The following GRPEL2 variants were observed in gnomAD, a reference collection of about 807,000 sequenced individuals.
The protein encoded by GRPEL2 is grpE protein homolog 2, mitochondrial.
GRPEL2 carries 18 observed loss-of-function variants against 25.9 expected under a neutral mutation model. The ratio of observed to expected loss-of-function variants is 0.70; its 90% CI spans 0.48 to 1.03. The LOEUF is 1.03. Ranked by LOEUF, GRPEL2 falls within the 50% of genes least tolerant of loss-of-function variation. GRPEL2 has a pLI of 0.00. For synonymous variants in GRPEL2, 106 were observed against 107.9 expected (o/e 0.98, Z 0.11); for missense variants, 247 against 276.2 (o/e 0.89, Z 0.75).
intron 3 of GRPEL2, 137 bp from the exon 4 acceptor site, chr5:149,350,781 C>CT (rs1329462458): frequency 1.3e-5 from 11 of 840,476 alleles, no homozygotes; most frequent in Non-Finnish European, 1.9e-5. Context: ...GTGATGATCT[C>CT]TGAGTCCTGT....
rs1757797488 is a variant in GRPEL2 at position 149,352,885 on chromosome 5, C to A, written c.*1603C>A. The A allele has an allele frequency of 6.6e-6, 1 of 152,118 alleles. No homozygotes were observed. The highest frequency in any genetic ancestry group is 1.5e-5 in the Non-Finnish European group (1 of 68,022). The allele number at this position is 152,118 out of a possible 1,614,324, so 9.4% of individuals were successfully genotyped here. On this transcript the variant is annotated 3_prime_UTR_variant, in exon 4 of 4. Coordinates refer to ENST00000329271, the MANE Select transcript of GRPEL2 (RefSeq NM_152407.4). ...CAATCATTTAAGATTAATGGGCATG[C>A]AATTAAGTCTCCATTTAAGATTAAT...
In GRPEL2 at chr5:149,351,046, T is replaced by C. The variant is rs1160342116; in HGVS notation, c.442T>C (p.Leu148=). 1.2e-6 allele frequency: 2 copies of C among 1,614,128 alleles called. No homozygotes were observed. The highest frequency in any genetic ancestry group is 2.2e-5 in the East Asian group (1 of 44,902). Residue 148 remains leucine (L), a synonymous_variant, in exon 4 of 4, where the codon TTG becomes CTG. Coordinates refer to ENST00000329271, the MANE Select transcript of GRPEL2 (RefSeq NM_152407.4). ...LTLEKVFRGL[L]LLEAKLKSVF... is the part of the protein sequence containing the mutation. ...TCTGGAGAAGGTCTTCCGAGGGTTG[T>C]TGCTTTTAGAAGCAAAGCTGAAAAG... is the stretch of plus-strand genomic sequence containing the variant.
At chr5:149,346,937 C>T (rs986064673) in intron 1 of GRPEL2, among the ~76,000 whole-genome samples, 1 of 151,810 alleles carries the variant, frequency 6.6e-6, no homozygotes, top group African/African-American at 2.4e-5. Flanking sequence ...CGGGGTTTCA[C>T]CGTGGTCTCG....
At position 149,353,944 on chromosome 5, in the gene GRPEL2, T is replaced by C. The variant is rs1581360655; in HGVS notation, c.*2662T>C. On this transcript the variant is annotated 3_prime_UTR_variant, in exon 4 of 4. Transcript: ENST00000329271. ...TTATTCGTAAAATGATTATAATAAT[T>C]CTTTCACAGCGTTGTGAGGATTAAG... 1 of 152,216 alleles carries C rather than the reference T, an allele frequency of 6.6e-6. No homozygotes were observed. Among genetic ancestry groups the C allele is most frequent in the African/African-American group, 2.4e-5 (1 of 41,472 alleles). 9.4% of individuals were successfully genotyped at this position (152,216 alleles called of 1,614,324 possible). A position where few individuals can be genotyped will look rare whatever the true frequency, so the allele number is the denominator to read the frequency against.
chr5:149,345,531 A>C lies in GRPEL2; in HGVS notation c.-9A>C. 6.2e-7 allele frequency: 1 copy of C among 1,609,884 alleles called. No homozygotes were observed. Among genetic ancestry groups the C allele is most frequent in the Non-Finnish European group, 8.5e-7 (1 of 1,178,352 alleles). On this transcript the variant is annotated 5_prime_UTR_variant, in exon 1 of 4. Transcript: ENST00000329271. ...GCGCGTGCGCTGCCTCTCAGCCCAA[A>C]TTGGAAACATGGCCGTACGGTCGCT...
At position 149,353,379 on chromosome 5, in the gene GRPEL2, T is replaced by C. The variant is rs1029280606; in HGVS notation, c.*2097T>C. The C allele has an allele frequency of 2.6e-5, 4 of 152,244 alleles. No homozygotes were observed. The highest frequency in any genetic ancestry group is 1.3e-4 in the Admixed American group (2 of 15,282). The allele number at this position is 152,244 out of a possible 1,614,324, so 9.4% of individuals were successfully genotyped here. ...TAATTACTCTCTGTGTGTTTTTTTA[T>C]TGCTAGCTATCATTACCAGTTAGAA... On this transcript the variant is annotated 3_prime_UTR_variant, in exon 4 of 4. Coordinates refer to ENST00000329271, the MANE Select transcript of GRPEL2 (RefSeq NM_152407.4).
chr5:149,347,220 A>G (rs1757704833), intron 1 of GRPEL2, among the ~76,000 whole-genome samples: 1 of 152,198 alleles, frequency 6.6e-6, no homozygotes, highest in Non-Finnish European at 1.5e-5. Context: ...AGGAGAGATA[A>G]AAGTCCTCTT....
At chr5:149,349,343 G>A (rs1290769397) in intron 2 of GRPEL2, among the ~76,000 whole-genome samples, 2 of 152,208 alleles carry the variant, frequency 1.3e-5, no homozygotes, top group Non-Finnish European at 2.9e-5. Context: ...TTAAGTTCAA[G>A]TCAATGAAAG....
rs34300270 is a variant in GRPEL2, at chr5:149,346,715, A to ATTTTTTTTTTTTTTTTTTTTTTT, written c.77+1117_77+1139dup. 3.4e-5 allele frequency among the ~76,000 whole-genome samples: 2 copies of ATTTTTTTTTTTTTTTTTTTTTTT among 59,272 alleles called. 1 individual carries two copies. The highest frequency in any genetic ancestry group is 1.6e-4 in the African/African-American group (2 of 12,192). 38.9% of individuals were successfully genotyped at this position (59,272 alleles called of 152,430 possible). On this transcript the variant is annotated intron_variant, in intron 1 of 3. Transcript: ENST00000329271. ...TTTTCCCTTTGAACTGGCCCTGAGA[A>ATTTTTTTTTTTTTTTTTTTTTTT]TTTTTTTTTTTTTTTTTTTTTTTTT...
intron 3 of GRPEL2, 122 bp from the exon 4 acceptor site, chr5:149,350,796 C>T: frequency 1.0e-6 from 1 of 998,710 alleles, no homozygotes; most frequent in Non-Finnish European, 1.5e-6. Context: ...TCCTGTGTGG[C>T]AACCTTTCCA....
chr5:149,350,960 T>C lies in GRPEL2; in HGVS notation c.356T>C (p.Ile119Thr). The C allele has an allele frequency of 6.2e-7, 1 of 1,614,048 alleles. No homozygotes were observed. The highest frequency in any genetic ancestry group is 8.5e-7 in the Non-Finnish European group (1 of 1,179,876). ...FCKDLVEVAD[I>T]LEKTTECISE... is the part of the protein sequence containing the mutation. ...AAGGACTTGGTGGAGGTGGCTGACA[T>C]TTTGGAGAAGACTACAGAGTGCATT... is the stretch of plus-strand genomic sequence containing the variant. The change falls in exon 4 of 4, where the codon ATT becomes ACT. Residue 119 changes from isoleucine (I) to threonine (T), a missense_variant. By Grantham distance (89) the Ile-to-Thr change is moderately conservative. Coordinates refer to ENST00000329271, the MANE Select transcript of GRPEL2 (RefSeq NM_152407.4).
chr5:149,354,357 T>C lies in GRPEL2; in HGVS notation c.*3075T>C, dbSNP rs925705418. The C allele has an allele frequency of 2.0e-5, 3 of 152,250 alleles. No homozygotes were observed. Among genetic ancestry groups the C allele is most frequent in the Admixed American group, 6.5e-5 (1 of 15,288 alleles). 9.4% of individuals were successfully genotyped at this position (152,250 alleles called of 1,614,324 possible). ...GTAGTACTTGGACTGTACAAATGTT[T>C]TACTGACTTTTCTTACTGCTGTAAA... On this transcript the variant is annotated 3_prime_UTR_variant, in exon 4 of 4. Coordinates refer to ENST00000329271, the MANE Select transcript of GRPEL2 (RefSeq NM_152407.4).
At chr5:149,350,204 A>C (rs1273349655) in intron 3 of GRPEL2, among the ~76,000 whole-genome samples, 2 of 152,232 alleles carry the variant, frequency 1.3e-5, no homozygotes, top group Non-Finnish European at 1.5e-5. Context: ...GACCTCTCTA[A>C]TGATGACTTT....
chr5:149,347,424 A>C (rs975656772), intron 1 of GRPEL2, among the ~76,000 whole-genome samples: 5 of 152,218 alleles, frequency 3.3e-5, no homozygotes, highest in African/African-American at 1.2e-4. Flanking sequence ...TTTTACTTAC[A>C]GTCAAATTAC....
At chr5:149,350,779 C>T (rs866280701) in intron 3 of GRPEL2, 139 bp from the exon 4 acceptor site, 1 of 821,134 alleles carries the variant, frequency 1.2e-6, no homozygotes, top group South Asian at 1.7e-5. Context: ...CAGTGATGAT[C>T]TCTGAGTCCT....
Position 149,351,021 on chromosome 5 carries a change from T to C in GRPEL2, c.417T>C (p.Thr139=). 1 of 1,614,210 alleles carries C rather than the reference T, an allele frequency of 6.2e-7. No individual in the cohort carries two copies. Among genetic ancestry groups the C allele is most frequent in the Non-Finnish European group, 8.5e-7 (1 of 1,180,028 alleles). The part of the protein sequence containing the change: ...EESEPEDQKL[T]LEKVFRGLLL... ...CGGAGCCTGAGGACCAAAAGCTCAC[T>C]CTGGAGAAGGTCTTCCGAGGGTTGT... The change falls in exon 4 of 4, where the codon ACT becomes ACC. Residue 139 remains threonine (T), a synonymous_variant. Transcript: ENST00000329271.
At chr5:149,350,162 A>G (rs1757753663) in intron 3 of GRPEL2, among the ~76,000 whole-genome samples, 1 of 152,246 alleles carries the variant, frequency 6.6e-6, no homozygotes, top group Non-Finnish European at 1.5e-5. Flanking sequence ...GACTCTCACC[A>G]GCCCCCACTG....
At chr5:149,348,755 C>A (rs115867108) in intron 2 of GRPEL2, among the ~76,000 whole-genome samples, 1 of 152,050 alleles carries the variant, frequency 6.6e-6, no homozygotes, top group Non-Finnish European at 1.5e-5. Context: ...GGTCACTGAC[C>A]ATTGTTCTTT....
rs1757722339 is a variant in GRPEL2 at position 149,348,384 on chromosome 5, G to A, written c.190G>A (p.Val64Ile). The A allele has an allele frequency of 3.7e-6, 6 of 1,612,816 alleles. No individual in the cohort carries two copies. The highest frequency in any genetic ancestry group is 1.7e-5 in the Admixed American group (1 of 59,738). Residue 64 changes from valine to isoleucine, a missense_variant, in exon 2 of 4, where the codon GTA (valine) becomes ATA (isoleucine). Physicochemically the swap from Val to Ile is conservative, Grantham distance 29. This residue lies in a region of GRPEL2 where 125 missense variants were observed against 107.0 expected (regional missense o/e 1.17). Transcript: ENST00000329271. The part of the protein sequence containing the change: ...GPPLAERALR[V>I]KAVKLEKEVQ... ...CCCTCTTGCTGAACGAGCCTTAAGG[G>A]TAAAAGCTGTTAAACTGGAGAAAGA...
Sources: allele counts gnomAD v4.1 joint callset (sites outside exome capture counted in the v4.1 genomes callset), GRCh38; gene constraint gnomAD v4.1.1; regional missense constraint gnomAD v4.1.1; transcripts MANE v1.5; gene names NCBI Gene and HGNC (gene_info 2026-07-23, HGNC 2026-07-21).